Variants in SP100 observed in about 807,000 individuals in gnomAD.
SP100 encodes the protein nuclear autoantigen Sp-100.
A neutral mutation model predicts 130.0 loss-of-function variants in SP100; 84 were observed. The observed-to-expected ratio is 0.65, with a 90% CI of 0.54 to 0.77. The LOEUF (loss-of-function observed/expected upper bound fraction) is 0.77. Among genes scored for constraint, SP100 ranks in the 30% least tolerant of loss-of-function variants. The pLI is 0.00. For synonymous variants in SP100, 331 were observed against 351.7 expected (o/e 0.94, Z 0.66); for missense variants, 978 against 1,052.2 (o/e 0.93, Z 0.97).
Position 230,449,520 on chromosome 2 carries a change from A to C in SP100, c.587-41A>C, listed in dbSNP as rs369733262. The C allele has an allele frequency of 2.5e-6, 4 of 1,612,146 alleles. No individual in the cohort carries two copies. The Admixed American group carries it at 5.0e-5, about 20-fold the overall frequency. On this transcript the variant is annotated intron_variant, in intron 6 of 28. Transcript: ENST00000340126. ...TGGTTGGAGGGGAGTGACAGGCAGCAGAGGGCAAATAAAATACCTGTGAAT... is the reference window on the plus strand; with the variant it reads ...TGGTTGGAGGGGAGTGACAGGCAGCCGAGGGCAAATAAAATACCTGTGAAT...
At position 230,544,082 on chromosome 2, in the gene SP100, G is replaced by GAT. The variant is rs1559542230; in HGVS notation, c.*1138_*1139dup. 1 of 152,086 alleles carries GAT rather than the reference G, an allele frequency of 6.6e-6. No homozygotes were observed. Among genetic ancestry groups the GAT allele is most frequent in the East Asian group, 1.9e-4 (1 of 5,192 alleles). The allele number at this position is 152,086 out of a possible 1,614,324, so 9.4% of individuals were successfully genotyped here. A position where few individuals can be genotyped will look rare whatever the true frequency, so the allele number is the denominator to read the frequency against. ...CTCCCTATTTTATAAATGGTGCTGG[G>GAT]ATAACTGGGATAGAAGATTGAAGCT... On this transcript the variant is annotated 3_prime_UTR_variant, in exon 29 of 29. Coordinates refer to ENST00000340126, the MANE Select transcript of SP100 (RefSeq NM_001080391.2).
At chr2:230,533,116 T>C (rs1183851014) in intron 24 of SP100, among the ~76,000 whole-genome samples, 1 of 152,194 alleles carries the variant, frequency 6.6e-6, no homozygotes, top group Non-Finnish European at 1.5e-5. Context: ...AAGAAATTAC[T>C]GTGTGTGTGC....
At chr2:230,514,719 T>A (rs955555796) in intron 24 of SP100, among the ~76,000 whole-genome samples, 2 of 152,200 alleles carry the variant, frequency 1.3e-5, no homozygotes, top group Non-Finnish European at 2.9e-5. Context: ...TTGCTGGAAC[T>A]TTTTCGTTAG....
At chr2:230,539,019 C>T (rs1380081665) in intron 24 of SP100, 1 of 323,126 alleles carries the variant, frequency 3.1e-6, no homozygotes, top group Non-Finnish European at 5.9e-6. Context: ...CTAATTCATC[C>T]TATTTTTGTC....
chr2:230,417,236 A>T (rs10191957), intron 1 of SP100, among the ~76,000 whole-genome samples: 59,034 of 151,920 alleles, frequency 0.39, 11,796 homozygotes, highest in African/African-American at 0.45. Context: ...TATGTTCTTG[A>T]TTTATAATAA....
At chr2:230,542,078 A>C (rs1692199774) in intron 28 of SP100, 43 bp downstream of exon 28, 1 of 1,596,626 alleles carries the variant, frequency 6.3e-7, no homozygotes, top group Admixed American at 1.7e-5. Context: ...CAATTACATC[A>C]CTTTAAAGTC....
intron 5 of SP100, among the ~76,000 whole-genome samples, chr2:230,447,256 TG>T (rs1371983594): frequency 6.6e-6 from 1 of 152,186 alleles, no homozygotes; most frequent in Non-Finnish European, 1.5e-5. Context: ...AGGAGACCCC[TG>T]GGGAAAGAAA....
intron 24 of SP100, among the ~76,000 whole-genome samples, chr2:230,528,887 G>A (rs1456899897): frequency 6.6e-6 from 1 of 152,168 alleles, no homozygotes; most frequent in African/African-American, 2.4e-5. Context: ...GGAAAAAGTT[G>A]AATCTCTGCA....
chr2:230,496,231 A>C (rs1190544114), intron 18 of SP100, among the ~76,000 whole-genome samples: 1 of 152,126 alleles, frequency 6.6e-6, no homozygotes, highest in Non-Finnish European at 1.5e-5. Context: ...TCCTTTTCAA[A>C]CCTGTTCTCT....
At chr2:230,494,365 A>G (rs755715048) in intron 17 of SP100, 51 bp from the exon 18 acceptor site, 2 of 1,353,056 alleles carry the variant, frequency 1.5e-6, no homozygotes, top group African/African-American at 2.9e-5. Flanking sequence ...AAAGTGTGTA[A>G]ATCTTTGTTT....
intron 5 of SP100, 117 bp from the exon 6 acceptor site, chr2:230,448,970 AT>A: frequency 1.4e-6 from 1 of 731,706 alleles, no homozygotes; most frequent in Non-Finnish European, 2.5e-6. Context: ...TGGCCTTTGC[AT>A]TGAGACCTAG....
chr2:230,432,196 A>G (rs1308138402), intron 2 of SP100, among the ~76,000 whole-genome samples: 1 of 152,160 alleles, frequency 6.6e-6, no homozygotes, highest in Non-Finnish European at 1.5e-5. Flanking sequence ...AAGTTCATCC[A>G]TGTTTTAGCA....
intron 8 of SP100, among the ~76,000 whole-genome samples, chr2:230,453,837 T>G (rs569098732): frequency 6.6e-6 from 1 of 152,354 alleles, no homozygotes; most frequent in South Asian, 2.1e-4. Context: ...GTAGTCCCTC[T>G]TATTCAATTT....
intron 24 of SP100, among the ~76,000 whole-genome samples, chr2:230,530,329 A>G (rs1691643839): frequency 6.6e-6 from 1 of 152,236 alleles, no homozygotes; most frequent in Non-Finnish European, 1.5e-5. Context: ...AGAAATGGGG[A>G]AAGGATTTCC....
At chr2:230,495,986 A>G (rs903827350) in intron 18 of SP100, among the ~76,000 whole-genome samples, 1 of 152,134 alleles carries the variant, frequency 6.6e-6, no homozygotes, top group Non-Finnish European at 1.5e-5. Context: ...GTAACTTTAA[A>G]TATAACTCTA....
At position 230,444,289 on chromosome 2, in the gene SP100, G is replaced by A. The variant is rs748141074; in HGVS notation, c.382G>A (p.Asp128Asn). 31 of 1,613,842 alleles carry A rather than the reference G, an allele frequency of 1.9e-5. No individual in the cohort carries two copies. In the Admixed American group the frequency reaches 3.3e-4, roughly 17 times the overall value. The change falls in exon 4 of 29, where the codon GAT becomes AAT. Residue 128 changes from aspartate (D) to asparagine (N), a missense_variant. Transcript: ENST00000340126. The stretch of plus-strand genomic sequence containing the variant: ...GCCAGTTCTGGAAGCACTGTTCAGC[G>A]ATGTCAACATGCAGGAATACCCCGA... ...NLPVLEALFSDVNMQEYPDLI... is the reference protein window; with the variant it reads ...NLPVLEALFSNVNMQEYPDLI...
chr2:230,523,631 G>A (rs1254630887), intron 24 of SP100, among the ~76,000 whole-genome samples: 3 of 151,990 alleles, frequency 2.0e-5, no homozygotes. Flanking sequence ...AAAATAGGCT[G>A]GATGTGGTTG....
intron 3 of SP100, 103 bp from the exon 4 acceptor site, chr2:230,444,075 T>C (rs2063583153): frequency 1.2e-6 from 1 of 834,464 alleles, no homozygotes; most frequent in African/African-American, 1.7e-5. Flanking sequence ...TGAAAATACC[T>C]ACGTAGAGAA....
chr2:230,512,295 T>C (rs1163953161), intron 24 of SP100, among the ~76,000 whole-genome samples: 2 of 137,558 alleles, frequency 1.5e-5, no homozygotes, highest in African/African-American at 2.7e-5. Flanking sequence ...TTTTTTTTTT[T>C]TTTTTTTTTT....
Sources: allele counts gnomAD v4.1 joint callset (sites outside exome capture counted in the v4.1 genomes callset), GRCh38; gene constraint gnomAD v4.1.1; transcripts MANE v1.5; gene names NCBI Gene and HGNC (gene_info 2026-07-23, HGNC 2026-07-21).